Variants in ELOVL6 observed in about 807,000 individuals in gnomAD.
ELOVL6 encodes the protein ELOVL fatty acid elongase 6, also known as very long chain fatty acid elongase 6.
ELOVL6 carries 8 observed loss-of-function variants against 31.7 expected under a neutral mutation model. The ratio of observed to expected loss-of-function variants is 0.25; its 90% CI spans 0.15 to 0.45. ELOVL6 has a LOEUF of 0.45. ELOVL6 is among the 20% of genes least tolerant of loss of function. ELOVL6 has a pLI of 1.00. For synonymous variants in ELOVL6, 101 were observed against 117.7 expected, an observed-to-expected ratio of 0.86 and a Z score of 0.92; for missense variants, 126 against 326.4, an observed-to-expected ratio of 0.39 and a Z score of 4.73.
chr4:110,088,471 C>A (rs1356033805), intron 2 of ELOVL6, among the ~76,000 whole-genome samples: 1 of 152,094 alleles, frequency 6.6e-6, no homozygotes. Flanking sequence ...GCACTGTGGC[C>A]GTAAGTCTTG....
At chr4:110,134,253 A>G (rs1417178291) in intron 1 of ELOVL6, among the ~76,000 whole-genome samples, 1 of 152,158 alleles carries the variant, frequency 6.6e-6, no homozygotes, top group East Asian at 1.9e-4. Flanking sequence ...AAGTGACGAG[A>G]GAACATATTT....
At chr4:110,136,835 G>T (rs1047672531) in intron 1 of ELOVL6, among the ~76,000 whole-genome samples, 1 of 152,158 alleles carries the variant, frequency 6.6e-6, no homozygotes, top group East Asian at 1.9e-4. Flanking sequence ...CACAGAAGTA[G>T]GGGAAGAGTG....
chr4:110,061,358 A>G (rs1377950598), intron 2 of ELOVL6, among the ~76,000 whole-genome samples: 3 of 152,126 alleles, frequency 2.0e-5, no homozygotes, highest in African/African-American at 7.2e-5. Flanking sequence ...TGTTCATAAC[A>G]AAACTGGCTT....
At chr4:110,054,042 AG>A (rs1754908832) in intron 3 of ELOVL6, among the ~76,000 whole-genome samples, 4 of 152,180 alleles carry the variant, frequency 2.6e-5, no homozygotes, top group African/African-American at 9.7e-5. Context: ...CGGAGGTTGC[AG>A]TGAGCCAAGA....
chr4:110,052,927 C>T (rs1039890950), intron 3 of ELOVL6, among the ~76,000 whole-genome samples: 2 of 152,116 alleles, frequency 1.3e-5, no homozygotes, highest in African/African-American at 4.8e-5. Context: ...GTGTAAAAAA[C>T]AAAAGCTAGA....
chr4:110,163,859 G>A (rs2126270274), intron 1 of ELOVL6, among the ~76,000 whole-genome samples: 1 of 152,294 alleles, frequency 6.6e-6, no homozygotes, highest in African/African-American at 2.4e-5. Context: ...AAGATCGAAT[G>A]GTGAGTTAAG....
At chr4:110,081,681 G>C (rs1160837610) in intron 2 of ELOVL6, among the ~76,000 whole-genome samples, 6 of 151,064 alleles carry the variant, frequency 4.0e-5, no homozygotes, top group Non-Finnish European at 8.9e-5. Flanking sequence ...ACATAGGCAT[G>C]GGCAAGGACT....
At chr4:110,053,512 A>T (rs1754890322) in intron 3 of ELOVL6, among the ~76,000 whole-genome samples, 1 of 152,246 alleles carries the variant, frequency 6.6e-6, no homozygotes, top group Non-Finnish European at 1.5e-5. Flanking sequence ...TTACAATAGA[A>T]AAAGAAAGTT....
chr4:110,058,251 A>T (rs909063824), intron 3 of ELOVL6, among the ~76,000 whole-genome samples: 2 of 152,220 alleles, frequency 1.3e-5, no homozygotes, highest in African/African-American at 4.8e-5. Context: ...GACCGTTTTC[A>T]TATGATCCGT....
At chr4:110,159,916 A>G (rs1412070533) in intron 1 of ELOVL6, among the ~76,000 whole-genome samples, 1 of 152,182 alleles carries the variant, frequency 6.6e-6, no homozygotes, top group African/African-American at 2.4e-5. Context: ...CTACTGAAAG[A>G]AATGGCTAAA....
chr4:110,060,900 T>A (rs1755118629), intron 2 of ELOVL6, among the ~76,000 whole-genome samples: 1 of 152,218 alleles, frequency 6.6e-6, no homozygotes, highest in African/African-American at 2.4e-5. Flanking sequence ...AGAGTTGCTC[T>A]AGAATAAATC....
chr4:110,179,106 A>T (rs536699773), intron 1 of ELOVL6, among the ~76,000 whole-genome samples: 20 of 145,594 alleles, frequency 1.4e-4, no homozygotes, highest in African/African-American at 3.1e-4. Context: ...TAAAATCTTT[A>T]AAAAAAAAAA....
intron 1 of ELOVL6, among the ~76,000 whole-genome samples, chr4:110,142,232 G>A (rs568706912): frequency 6.6e-6 from 1 of 151,844 alleles, no homozygotes; most frequent in African/African-American, 2.4e-5. Flanking sequence ...CACCACACCA[G>A]GCTAATGTTT....
At chr4:110,117,903 A>AAAAAAAAAAAAAAAATAT in intron 1 of ELOVL6, 1 of 6,504 alleles carries the variant, frequency 1.5e-4, no homozygotes, top group African/African-American at 3.3e-4. Flanking sequence ...AAAAAAAAAA[A>AAAAAAAAAAAAAAAATAT]ATATATATAT....
intron 2 of ELOVL6, among the ~76,000 whole-genome samples, chr4:110,087,990 T>G (rs1756318360): frequency 6.6e-6 from 1 of 152,090 alleles, no homozygotes; most frequent in African/African-American, 2.4e-5. Context: ...AATACGTGGT[T>G]TTACTACATT....
At chr4:110,079,286 C>T (rs971787779) in intron 2 of ELOVL6, among the ~76,000 whole-genome samples, 1 of 152,188 alleles carries the variant, frequency 6.6e-6, no homozygotes, top group African/African-American at 2.4e-5. Flanking sequence ...ACAGAATATA[C>T]ATTCTTTTCA....
At chr4:110,054,622 ACT>A (rs1754927764) in intron 3 of ELOVL6, among the ~76,000 whole-genome samples, 1 of 152,264 alleles carries the variant, frequency 6.6e-6, no homozygotes, top group South Asian at 2.1e-4. Context: ...TTTCATCCTA[ACT>A]CTTTAGTTTA....
chr4:110,084,553 C>CAGATATATATTTTTAT (rs1560815725), intron 2 of ELOVL6, among the ~76,000 whole-genome samples: 6 of 57,936 alleles, frequency 1.0e-4, no homozygotes, highest in African/African-American at 6.2e-4. Context: ...CACACACACA[C>CAGATATATATTTTTAT]ACACACACAG....
intron 2 of ELOVL6, among the ~76,000 whole-genome samples, chr4:110,063,497 A>T (rs1212640985): frequency 6.6e-6 from 1 of 151,550 alleles, no homozygotes; most frequent in African/African-American, 2.5e-5. Flanking sequence ...GTAACCATGC[A>T]CCAACTTTCC....
Sources: gnomAD v4.1 joint callset for allele counts (sites outside exome capture counted in the v4.1 genomes callset) on GRCh38, gnomAD v4.1.1 for gene constraint, MANE v1.5 for transcripts, NCBI Gene and HGNC (gene_info 2026-07-23, HGNC 2026-07-21) for gene names.